STARD13: variants seen among roughly 807,000 people sequenced by gnomAD.
STARD13 encodes StAR related lipid transfer domain containing 13.
A neutral mutation model predicts 106.4 loss-of-function variants in STARD13; 62 were observed. That is an observed-to-expected ratio of 0.58 (90% CI 0.48 to 0.72). The LOEUF (loss-of-function observed/expected upper bound fraction) is 0.72, where lower values mean the gene tolerates loss of function less well. Ranked by LOEUF, STARD13 falls within the 30% of genes least tolerant of loss-of-function variation. The probability of loss-of-function intolerance (pLI) is 0.00; values close to 1 mark genes in which losing one functional copy is unlikely to be tolerated. For synonymous variants in STARD13, 565 were observed against 553.0 expected (o/e 1.02, Z -0.31); for missense variants, 1,387 against 1,424.0 (o/e 0.97, Z 0.42).
chr13:33,561,446 C>A, the STARD13 span, among the ~76,000 whole-genome samples: 1 of 151,522 alleles, frequency 6.6e-6, no homozygotes, highest in Non-Finnish European at 1.5e-5. Context: ...AGTCTATCTT[C>A]TTACTTTCTA....
chr13:33,536,609 A>G, the STARD13 span, among the ~76,000 whole-genome samples: 1 of 152,248 alleles, frequency 6.6e-6, no homozygotes, highest in South Asian at 2.1e-4. Context: ...TCAATGTCTT[A>G]TATTCAAGGG....
chr13:33,261,809 T>G (rs1890653303), intron 1 of STARD13, among the ~76,000 whole-genome samples: 1 of 152,146 alleles, frequency 6.6e-6, no homozygotes, highest in African/African-American at 2.4e-5. Context: ...CACAGGAAAT[T>G]TTTTTCTTGA....
At chr13:33,238,951 A>G (rs73465058) in intron 1 of STARD13, among the ~76,000 whole-genome samples, 2,360 of 152,136 alleles carry the variant, frequency 0.016, 55 homozygotes, top group African/African-American at 0.051. Context: ...TTCTATGTAC[A>G]TGTTGTGTAA....
At chr13:33,306,569 A>C (rs1211132935) in intron 1 of STARD13, among the ~76,000 whole-genome samples, 1 of 152,226 alleles carries the variant, frequency 6.6e-6, no homozygotes, top group Non-Finnish European at 1.5e-5. Flanking sequence ...AATTTTTGCA[A>C]TCTATCCATC....
chr13:33,422,852 C>T, the STARD13 span, among the ~76,000 whole-genome samples: 4 of 152,164 alleles, frequency 2.6e-5, no homozygotes, highest in Admixed American at 6.5e-5. Context: ...GGAAAGGATA[C>T]CCTATTTAAT....
intron 1 of STARD13, among the ~76,000 whole-genome samples, chr13:33,219,636 A>T (rs1320265272): frequency 6.6e-6 from 1 of 150,814 alleles, no homozygotes; most frequent in Non-Finnish European, 1.5e-5. Context: ...GTTTGAGTCC[A>T]GCATGGATAA....
At chr13:33,132,784 T>C (rs1015370276) in intron 4 of STARD13, among the ~76,000 whole-genome samples, 2 of 152,214 alleles carry the variant, frequency 1.3e-5, no homozygotes, top group Non-Finnish European at 2.9e-5. Flanking sequence ...AAAGCTCTGA[T>C]GAAAGAGTTT....
chr13:33,203,874 G>A (rs914844840), intron 1 of STARD13, among the ~76,000 whole-genome samples: 9 of 152,078 alleles, frequency 5.9e-5, no homozygotes, highest in South Asian at 2.1e-4. Context: ...AATGGCATAC[G>A]TACCAAAAGC....
At chr13:33,239,631 T>C (rs1889366737) in intron 1 of STARD13, among the ~76,000 whole-genome samples, 1 of 152,214 alleles carries the variant, frequency 6.6e-6, no homozygotes, top group Non-Finnish European at 1.5e-5. Flanking sequence ...TGCATTTTCC[T>C]GATAATTAGT....
the STARD13 span, among the ~76,000 whole-genome samples, chr13:33,487,436 T>C: frequency 6.6e-6 from 1 of 152,146 alleles, no homozygotes; most frequent in Non-Finnish European, 1.5e-5. Flanking sequence ...ACATCCCTTA[T>C]AAATGAGGAG....
At chr13:33,582,140 T>G in the STARD13 span, among the ~76,000 whole-genome samples, 8 of 150,878 alleles carry the variant, frequency 5.3e-5, no homozygotes, top group African/African-American at 2.0e-4. Flanking sequence ...GAGAATGGCG[T>G]GAACCCAGCA....
chr13:33,629,186 G>A, the STARD13 span, among the ~76,000 whole-genome samples: 3 of 152,142 alleles, frequency 2.0e-5, no homozygotes, highest in African/African-American at 4.8e-5. Context: ...AAACGCCATA[G>A]GAAAGCAGAT....
chr13:33,434,501 T>C, the STARD13 span, among the ~76,000 whole-genome samples: 1 of 152,070 alleles, frequency 6.6e-6, no homozygotes, highest in Non-Finnish European at 1.5e-5. Flanking sequence ...TCCAATGATA[T>C]AGGGTTGTTT....
chr13:33,567,575 A>G, the STARD13 span, among the ~76,000 whole-genome samples: 3 of 148,358 alleles, frequency 2.0e-5, 1 homozygote, highest in South Asian at 2.1e-4. Flanking sequence ...AAAGTTTTCC[A>G]TGAATCAAAC....
In STARD13 at chr13:33,211,805, C is replaced by CTGTG. The variant is rs573541591; in HGVS notation, c.170-44187_170-44184dup. On this transcript the variant is annotated intron_variant, in intron 1 of 13. Coordinates refer to ENST00000336934, the MANE Select transcript of STARD13 (RefSeq NM_178006.4). ...AATCCATGGACAGAGAGAGCTGACT[C>CTGTG]TGTGTGTGTGTGTGTGTGTGTATGT... Among the ~76,000 whole-genome samples, 190 of 148,714 alleles carry CTGTG rather than the reference C, an allele frequency of 1.3e-3. 6 individuals carry two copies. In the East Asian group the frequency reaches 0.032, roughly 25 times the overall value.
chr13:33,127,881 AT>A (rs11311811), intron 5 of STARD13, among the ~76,000 whole-genome samples: 80,652 of 149,150 alleles, frequency 0.54, 22,473 homozygotes, highest in Non-Finnish European at 0.62. Flanking sequence ...GTGTGTGTGT[AT>A]GTGAGAGAGA....
At chr13:33,259,644 G>T (rs1159635393) in intron 1 of STARD13, among the ~76,000 whole-genome samples, 1 of 152,214 alleles carries the variant, frequency 6.6e-6, no homozygotes, top group Non-Finnish European at 1.5e-5. Flanking sequence ...TTATGGTTCA[G>T]TTGGGCCTAG....
At chr13:33,403,170 G>A in the STARD13 span, among the ~76,000 whole-genome samples, 1 of 152,230 alleles carries the variant, frequency 6.6e-6, no homozygotes, top group Non-Finnish European at 1.5e-5. Flanking sequence ...CTGCCCATCT[G>A]CGTGTTCCCC....
At chr13:33,433,047 A>G in the STARD13 span, among the ~76,000 whole-genome samples, 1 of 152,206 alleles carries the variant, frequency 6.6e-6, no homozygotes, top group Non-Finnish European at 1.5e-5. Flanking sequence ...CATGGAACAA[A>G]TGAGAAGATT....
Sources: gnomAD v4.1 joint callset for allele counts (sites outside exome capture counted in the v4.1 genomes callset) on GRCh38, gnomAD v4.1.1 for gene constraint, MANE v1.5 for transcripts, NCBI Gene and HGNC (gene_info 2026-07-23, HGNC 2026-07-21) for gene names.